The following SRXN1 variants were observed in gnomAD, a reference collection of about 807,000 sequenced individuals.
SRXN1 encodes sulfiredoxin 1, also known as sulfiredoxin-1.
Under a neutral mutation model 11.0 loss-of-function variants are expected in SRXN1, and 11 were observed. The observed-to-expected ratio is 1.00, with a 90% CI of 0.63 to 1.65. The LOEUF (loss-of-function observed/expected upper bound fraction) is 1.65. Among genes scored for constraint, SRXN1 ranks in the 40% most tolerant of loss-of-function variants. SRXN1 has a pLI of 0.00. For synonymous variants in SRXN1, 106 were observed against 92.8 expected (o/e 1.14, Z -0.82); for missense variants, 211 against 194.5 (o/e 1.08, Z -0.50).
intron 1 of SRXN1, among the ~76,000 whole-genome samples, chr20:650,049 AAGG>A (rs1983634224): frequency 6.6e-6 from 1 of 152,222 alleles, no homozygotes; most frequent in Non-Finnish European, 1.5e-5. Context: ...GAGGCACAGC[AAGG>A]AGTTCACTAG....
At chr20:650,768 C>T (rs999410398) in intron 1 of SRXN1, among the ~76,000 whole-genome samples, 1 of 152,214 alleles carries the variant, frequency 6.6e-6, no homozygotes, top group Non-Finnish European at 1.5e-5. Context: ...GATGAAGAGT[C>T]AGTGAGCTGA....
Position 652,922 on chromosome 20 carries a change from A to T in SRXN1, c.210+54T>A, listed in dbSNP as rs920735578. 1.4e-4 allele frequency: 166 copies of T among 1,180,538 alleles called. No individual in the cohort carries two copies. The African/African-American group carries it at 3.0e-3, about 21-fold the overall frequency. 73.1% of individuals were successfully genotyped at this position (1,180,538 alleles called of 1,614,324 possible). A position where few individuals can be genotyped will look rare whatever the true frequency, so the allele number is the denominator to read the frequency against. ...TCGCAGCGACCTCCCTCCTCCGGCA[A>T]CCTCCCTCCTCCGAAGCCCTCCCTC... On this transcript the variant is annotated intron_variant, in intron 1 of 1. Transcript: ENST00000381962.
At chr20:651,102 T>A (rs574551024) in intron 1 of SRXN1, among the ~76,000 whole-genome samples, 1 of 152,310 alleles carries the variant, frequency 6.6e-6, no homozygotes, top group East Asian at 1.9e-4. Flanking sequence ...GTTGCTGGCT[T>A]TGAAGACAGA....
In SRXN1 at chr20:648,766, G is replaced by A; in HGVS notation, c.362C>T (p.Thr121Ile). Residue 121 changes from threonine to isoleucine, a missense_variant, in exon 2 of 2, where the codon ACT becomes ATT. Coordinates refer to ENST00000381962, the MANE Select transcript of SRXN1 (RefSeq NM_080725.3). ...CAGGTACACCCTTAGGTCTGAGAGA[G>A]TGGACTGGACAAGCTTGGCGGGGAT... ...ETIPAKLVQS[T>I]LSDLRVYLGA... is the part of the protein sequence containing the mutation. 2 of 1,614,240 alleles carry A rather than the reference G, an allele frequency of 1.2e-6. No individual in the cohort carries two copies. The highest frequency in any genetic ancestry group is 1.7e-6 in the Non-Finnish European group (2 of 1,180,040).
At chr20:652,167 G>A (rs1442831658) in intron 1 of SRXN1, among the ~76,000 whole-genome samples, 1 of 152,174 alleles carries the variant, frequency 6.6e-6, no homozygotes, top group African/African-American at 2.4e-5. Flanking sequence ...AGCAGGCCCT[G>A]TGGTTGTCTG....
Position 648,822 on chromosome 20 carries a change from G to T in SRXN1, c.306C>A (p.Tyr102Ter). The T allele has an allele frequency of 6.2e-7, 1 of 1,614,238 alleles. No homozygotes were observed. The highest frequency in any genetic ancestry group is 8.5e-7 in the Non-Finnish European group (1 of 1,180,042). The part of the protein sequence containing the change: ...YFYSFGGCHR[Y>*]AAYQQLQRET... ...CTCGCTGCAGTTGCTGGTAGGCCGC[G>T]TAGCGGTGGCAGCCCCCAAAGGAGT... Residue 102 changes from tyrosine (Y) to a stop codon, truncating the protein, a stop_gained, in exon 2 of 2, where the codon TAC (tyrosine) becomes TAA (stop). Transcript: ENST00000381962. LOFTEE classifies it high-confidence loss of function.
rs1192512189 is a variant in SRXN1 at position 648,378 on chromosome 20, T to G, written c.*336A>C. On this transcript the variant is annotated 3_prime_UTR_variant, in exon 2 of 2. Transcript: ENST00000381962. Reference sequence around the variant, plus strand: ...TCCTTGCAGCTGAATGTAGTCCATATAAGAGGTTACATAGACAAAAATGCA... The same window carrying G: ...TCCTTGCAGCTGAATGTAGTCCATAGAAGAGGTTACATAGACAAAAATGCA... The G allele has an allele frequency of 1.2e-5, 6 of 509,472 alleles. No individual in the cohort carries two copies. The highest frequency in any genetic ancestry group is 2.3e-5 in the Non-Finnish European group (6 of 262,400). 31.6% of individuals were successfully genotyped at this position (509,472 alleles called of 1,614,324 possible).
chr20:650,377 GAAGGGGTGAATCC>G, intron 1 of SRXN1, among the ~76,000 whole-genome samples: 1 of 150,776 alleles, frequency 6.6e-6, no homozygotes, highest in Middle Eastern at 3.4e-3. Context: ...GGGTCTGGCA[GAAGGGGTGAATCC>G]AAGGGCAAGA....
At chr20:650,838 C>T (rs550902644) in intron 1 of SRXN1, among the ~76,000 whole-genome samples, 15 of 152,342 alleles carry the variant, frequency 9.8e-5, no homozygotes, top group South Asian at 2.1e-4. Flanking sequence ...GGCCTTGTGC[C>T]GGGTACTGGA....
chr20:648,893 T>G lies in SRXN1; in HGVS notation c.235A>C (p.Ile79Leu), dbSNP rs747696690. The change falls in exon 2 of 2, where the codon ATC (isoleucine) becomes CTC (leucine). Residue 79 changes from isoleucine (I) to leucine (L), a missense_variant. Physicochemically the swap from Ile to Leu is conservative, Grantham distance 5. Transcript: ENST00000381962. The part of the protein sequence containing the change: ...IREDPDSVPP[I>L]DVLWIKGAQG... ...GCCCCTTTGATCCAGAGGACATCGA[T>G]GGGGGGCACGCTGTCTGGGTCCTCC... 9.3e-6 allele frequency: 15 copies of G among 1,613,936 alleles called. No homozygotes were observed. Among genetic ancestry groups the G allele is most frequent in the Non-Finnish European group, 1.3e-5 (15 of 1,180,016 alleles).
Position 648,247 on chromosome 20 carries a change from C to T in SRXN1, c.*467G>A, listed in dbSNP as rs759537259. The T allele has an allele frequency of 3.5e-5, 16 of 456,448 alleles. No individual in the cohort carries two copies. The highest frequency in any genetic ancestry group is 1.0e-4 in the African/African-American group (5 of 50,068). 28.3% of individuals were successfully genotyped at this position (456,448 alleles called of 1,614,324 possible). ...GGATCCAAGACGTGACCCCTACCTTCGTGGAGTTGTTGAACCAATACCATT... is the reference window on the plus strand; with the variant it reads ...GGATCCAAGACGTGACCCCTACCTTTGTGGAGTTGTTGAACCAATACCATT... On this transcript the variant is annotated 3_prime_UTR_variant, in exon 2 of 2. Coordinates refer to ENST00000381962, the MANE Select transcript of SRXN1 (RefSeq NM_080725.3).
rs921887037 is a variant in SRXN1 at position 646,996 on chromosome 20, A to T, written c.*1718T>A. ...TATTGAACTGGAGAAACTGAGGCTTAAAAGTGCCGAGTGACCAAGTTCCCT... is the reference window on the plus strand; with the variant it reads ...TATTGAACTGGAGAAACTGAGGCTTTAAAGTGCCGAGTGACCAAGTTCCCT... On this transcript the variant is annotated 3_prime_UTR_variant, in exon 2 of 2. Coordinates refer to ENST00000381962, the MANE Select transcript of SRXN1 (RefSeq NM_080725.3). 9.2e-5 allele frequency: 14 copies of T among 152,262 alleles called. No homozygotes were observed. Among genetic ancestry groups the T allele is most frequent in the African/African-American group, 3.4e-4 (14 of 41,454 alleles). 9.4% of individuals were successfully genotyped at this position (152,262 alleles called of 1,614,324 possible).
chr20:648,874 T>C lies in SRXN1; in HGVS notation c.254A>G (p.Lys85Arg), dbSNP rs761768901. The change falls in exon 2 of 2, where the codon AAA (lysine) becomes AGA (arginine). Residue 85 changes from lysine (K) to arginine (R), a missense_variant. Physicochemically the swap from Lys to Arg is conservative, Grantham distance 26 (BLOSUM62 2). Coordinates refer to ENST00000381962, the MANE Select transcript of SRXN1 (RefSeq NM_080725.3). ...SVPPIDVLWI[K>R]GAQGGDYFYS... is the part of the protein sequence containing the mutation. ...GAAGTAGTCACCTCCCTGGGCCCCTTTGATCCAGAGGACATCGATGGGGGG... is the reference window on the plus strand; with the variant it reads ...GAAGTAGTCACCTCCCTGGGCCCCTCTGATCCAGAGGACATCGATGGGGGG... 1.2e-6 allele frequency: 2 copies of C among 1,614,188 alleles called. No homozygotes were observed. The highest frequency in any genetic ancestry group is 1.7e-6 in the Non-Finnish European group (2 of 1,180,048).
rs1203553537 is a variant in SRXN1, at chr20:647,702, T to C, written c.*1012A>G. On this transcript the variant is annotated 3_prime_UTR_variant, in exon 2 of 2. Transcript: ENST00000381962. ...GAGGTAACAGCTGACCTTAGCTCCA[T>C]GAGGGATCCCAGGTGTGAGCAGCAG... The C allele has an allele frequency of 3.3e-6, 1 of 301,614 alleles. No individual in the cohort carries two copies. Among genetic ancestry groups the C allele is most frequent in the South Asian group, 3.1e-5 (1 of 32,340 alleles). The allele number at this position is 301,614 out of a possible 1,614,324, so 18.7% of individuals were successfully genotyped here.
In SRXN1 at chr20:647,889, T is replaced by C. The variant is rs1983571280; in HGVS notation, c.*825A>G. On this transcript the variant is annotated 3_prime_UTR_variant, in exon 2 of 2. Transcript: ENST00000381962. ...TCTTGGTAATGGGATCCCAGTTTTA[T>C]TGCAGGAGGCAGTGTGCCAGTCTCA... 1 of 352,746 alleles carries C rather than the reference T, an allele frequency of 2.8e-6. No individual in the cohort carries two copies. 21.9% of individuals were successfully genotyped at this position (352,746 alleles called of 1,614,324 possible). A position where few individuals can be genotyped will look rare whatever the true frequency, so the allele number is the denominator to read the frequency against.
Position 647,950 on chromosome 20 carries a change from A to G in SRXN1, c.*764T>C, listed in dbSNP as rs1568637898. 2.5e-6 allele frequency: 1 copy of G among 399,234 alleles called. No homozygotes were observed. Among genetic ancestry groups the G allele is most frequent in the Non-Finnish European group, 5.0e-6 (1 of 198,738 alleles). 24.7% of individuals were successfully genotyped at this position (399,234 alleles called of 1,614,324 possible). On this transcript the variant is annotated 3_prime_UTR_variant, in exon 2 of 2. Transcript: ENST00000381962. ...CACGATTGGTCTATTCAGCCATGACAATTCTGTTCCCTGCTGTCTTAGCTT... is the reference window on the plus strand; with the variant it reads ...CACGATTGGTCTATTCAGCCATGACGATTCTGTTCCCTGCTGTCTTAGCTT...
intron 1 of SRXN1, 123 bp downstream of exon 1, chr20:652,853 G>A (rs958135159): frequency 7.7e-7 from 1 of 1,293,676 alleles, no homozygotes; most frequent in Non-Finnish European, 9.9e-7. Context: ...ACACAGCAGA[G>A]GCTGAGCTCC....
Position 647,983 on chromosome 20 carries a change from A to G in SRXN1, c.*731T>C, listed in dbSNP as rs760760623. On this transcript the variant is annotated 3_prime_UTR_variant, in exon 2 of 2. Coordinates refer to ENST00000381962, the MANE Select transcript of SRXN1 (RefSeq NM_080725.3). ...TCCCTGCTGTCTTAGCTTTGTTTGC[A>G]GCTAGAGGTGCAATGGTAGCTGGCT... 20 of 430,300 alleles carry G rather than the reference A, an allele frequency of 4.6e-5. 1 individual carries two copies. Among genetic ancestry groups the G allele is most frequent in the South Asian group, 8.4e-5 (5 of 59,672 alleles). 26.7% of individuals were successfully genotyped at this position (430,300 alleles called of 1,614,324 possible).
rs1261839304 is a variant in SRXN1 at position 653,020 on chromosome 20, C to A, written c.166G>T (p.Val56Leu). ...CTCTGCACCTTGGCGGGGTCCAACA[C>A]GGACGGCAGCGGCCGGATGAGCACG... ...LSVLIRPLPS[V>L]LDPAKVQSLV... Residue 56 changes from valine (V) to leucine (L), a missense_variant, in exon 1 of 2, where the codon GTG (valine) becomes TTG (leucine). By Grantham distance (32) the Val-to-Leu change is conservative. Coordinates refer to ENST00000381962, the MANE Select transcript of SRXN1 (RefSeq NM_080725.3). The A allele has an allele frequency of 1.3e-5, 20 of 1,571,438 alleles. No individual in the cohort carries two copies. Among genetic ancestry groups the A allele is most frequent in the Non-Finnish European group, 1.7e-5 (20 of 1,161,682 alleles).
Sources: gnomAD v4.1 joint callset for allele counts (sites outside exome capture counted in the v4.1 genomes callset) on GRCh38, gnomAD v4.1.1 for gene constraint, MANE v1.5 for transcripts, NCBI Gene and HGNC (gene_info 2026-07-23, HGNC 2026-07-21) for gene names.